Variants in CDH12 observed in about 807,000 individuals in gnomAD.
CDH12 encodes cadherin 12, also known as cadherin-12.
In CDH12, 41 loss-of-function variants were observed where a neutral mutation model predicts 74.1. That is an observed-to-expected ratio of 0.55 (90% CI 0.43 to 0.72). The LOEUF is 0.72. Ranked by LOEUF, CDH12 falls within the 30% of genes least tolerant of loss-of-function variation. The pLI, the probability that CDH12 is intolerant of heterozygous loss-of-function variation, is 0.00. For synonymous variants in CDH12, 399 were observed against 355.0 expected (o/e 1.12, Z -1.39); for missense variants, 945 against 977.2 (o/e 0.97, Z 0.44).
At chr5:22,240,948 AGAG>A (rs2150380719) in intron 3 of CDH12, among the ~76,000 whole-genome samples, 1 of 152,318 alleles carries the variant, frequency 6.6e-6, no homozygotes, top group Non-Finnish European at 1.5e-5. Flanking sequence ...GTACAGAGGA[AGAG>A]GAGAAGGGCA....
At chr5:21,910,852 G>A (rs2150063245) in intron 6 of CDH12, among the ~76,000 whole-genome samples, 1 of 152,088 alleles carries the variant, frequency 6.6e-6, no homozygotes, top group Middle Eastern at 3.4e-3. Context: ...GTCCTCAAGT[G>A]TTTGCTCTTC....
intron 6 of CDH12, chr5:21,883,283 A>G: frequency 7.0e-6 from 10 of 1,433,664 alleles, no homozygotes; most frequent in Non-Finnish European, 9.8e-6. Context: ...TTATTAATAC[A>G]TCAAAAGGTC....
chr5:22,653,098 C>T (rs1044893919), intron 1 of CDH12, among the ~76,000 whole-genome samples: 6 of 152,036 alleles, frequency 3.9e-5, no homozygotes, highest in African/African-American at 1.4e-4. Flanking sequence ...GTCATATAGC[C>T]CATTTATTAA....
chr5:22,143,910 T>C (rs1746980965), intron 4 of CDH12: 1 of 152,326 alleles, frequency 6.6e-6, no homozygotes, highest in South Asian at 2.1e-4. Context: ...AAGAAACATT[T>C]AAATTTTCAT....
intron 13 of CDH12, among the ~76,000 whole-genome samples, chr5:21,760,158 C>G (rs972290147): frequency 1.3e-5 from 2 of 151,870 alleles, no homozygotes; most frequent in Non-Finnish European, 2.9e-5. Flanking sequence ...TTTGTGTGCA[C>G]GTGTCTTTAT....
chr5:21,762,790 G>T (rs950028907), intron 12 of CDH12, among the ~76,000 whole-genome samples: 1 of 151,446 alleles, frequency 6.6e-6, no homozygotes, highest in Admixed American at 6.6e-5. Context: ...ATTCCCAAAG[G>T]CTTCCATTTG....
chr5:22,072,688 A>G (rs912264437), intron 5 of CDH12, among the ~76,000 whole-genome samples: 1 of 151,798 alleles, frequency 6.6e-6, no homozygotes, highest in Admixed American at 6.6e-5. Context: ...CTCGTCATTT[A>G]CATTAGGTAT....
At position 22,629,695 on chromosome 5, in the gene CDH12, T is replaced by C. The variant is rs548281559; in HGVS notation, c.-522-124331A>G. ...AGGTGGAAGCATTACTCTTGAGAAC[T>C]GGAACAAGACAAGGATACCCACCCT... On this transcript the variant is annotated intron_variant, in intron 1 of 14. Coordinates refer to ENST00000382254, the MANE Select transcript of CDH12 (RefSeq NM_004061.5). Among the ~76,000 whole-genome samples the C allele has an allele frequency of 7.9e-5, 12 of 152,156 alleles. No homozygotes were observed. The South Asian group carries it at 2.5e-3, about 32-fold the overall frequency.
chr5:22,608,984 C>A (rs369836040), intron 1 of CDH12, among the ~76,000 whole-genome samples: 14 of 152,212 alleles, frequency 9.2e-5, no homozygotes, highest in African/African-American at 2.2e-4. Flanking sequence ...AACAAGGGAA[C>A]CTGGAAGGGC....
intron 5 of CDH12, among the ~76,000 whole-genome samples, chr5:21,979,124 CA>C: frequency 6.6e-6 from 1 of 152,184 alleles, no homozygotes; most frequent in Non-Finnish European, 1.5e-5. Context: ...AATAATTCCA[CA>C]AAAATAATTT....
chr5:22,831,901 A>C (rs9293038), intron 1 of CDH12, among the ~76,000 whole-genome samples: 6,919 of 149,530 alleles, frequency 0.046, 180 homozygotes, highest in African/African-American at 0.05. Flanking sequence ...TGTCCCCCCC[A>C]AAAAAAAAAT....
At chr5:22,278,381 G>T (rs1736731126) in intron 3 of CDH12, among the ~76,000 whole-genome samples, 1 of 152,132 alleles carries the variant, frequency 6.6e-6, no homozygotes. Flanking sequence ...AAAAGGATGG[G>T]AAAATGAATC....
rs527798528 is a variant in CDH12, at chr5:22,827,533, A to G, written c.-523+25525T>C. Among the ~76,000 whole-genome samples the G allele has an allele frequency of 3.9e-5, 6 of 152,308 alleles. No individual in the cohort carries two copies. In the East Asian group the frequency reaches 1.2e-3, roughly 29 times the overall value. ...ACTCCCTACTGGGGCACCACATTGA[A>G]GCACAAAACAAGTTATATAATTTGC... On this transcript the variant is annotated intron_variant, in intron 1 of 14. Transcript: ENST00000382254.
chr5:22,170,610 T>TATATATAACTTATATATAAGCTTC, intron 4 of CDH12, among the ~76,000 whole-genome samples: 1 of 151,400 alleles, frequency 6.6e-6, no homozygotes, highest in Admixed American at 6.6e-5. Flanking sequence ...ATAAGCTTCT[T>TATATATAACTTATATATAAGCTTC]TTTTACATTT....
At chr5:21,897,653 T>A (rs999353874) in intron 6 of CDH12, among the ~76,000 whole-genome samples, 5 of 152,232 alleles carry the variant, frequency 3.3e-5, no homozygotes, top group African/African-American at 1.2e-4. Context: ...TGTATACATA[T>A]GCTTGCAATA....
At chr5:22,823,296 A>C (rs767253721) in intron 1 of CDH12, among the ~76,000 whole-genome samples, 2 of 151,898 alleles carry the variant, frequency 1.3e-5, no homozygotes, top group Non-Finnish European at 2.9e-5. Flanking sequence ...TGACGAGTTA[A>C]TGGGTGCAGC....
intron 1 of CDH12, among the ~76,000 whole-genome samples, chr5:22,824,625 TA>T (rs1163534100): frequency 6.6e-6 from 1 of 151,910 alleles, no homozygotes; most frequent in Non-Finnish European, 1.5e-5. Flanking sequence ...CAGGGATTTT[TA>T]AAAATTCTAA....
At chr5:22,705,257 G>C (rs78209393) in intron 1 of CDH12, among the ~76,000 whole-genome samples, 6 of 151,576 alleles carry the variant, frequency 4.0e-5, no homozygotes, top group African/African-American at 1.2e-4. Flanking sequence ...GAGATGCAGA[G>C]AGCTTACATT....
At chr5:22,073,822 A>G (rs1370465942) in intron 5 of CDH12, among the ~76,000 whole-genome samples, 1 of 152,132 alleles carries the variant, frequency 6.6e-6, no homozygotes, top group African/African-American at 2.4e-5. Context: ...TGCCTCTACA[A>G]ATTTCTACAT....
Sources: gnomAD v4.1 joint callset for allele counts (sites outside exome capture counted in the v4.1 genomes callset) on GRCh38, gnomAD v4.1.1 for gene constraint, MANE v1.5 for transcripts, NCBI Gene and HGNC (gene_info 2026-07-23, HGNC 2026-07-21) for gene names.